The following CACNA1C variants were observed in gnomAD, a reference collection of about 807,000 sequenced individuals.
CACNA1C encodes the protein calcium voltage-gated channel subunit alpha1 C.
In CACNA1C, 30 loss-of-function variants were observed where a neutral mutation model predicts 229.0. The ratio of observed to expected loss-of-function variants is 0.13; its 90% CI spans 0.10 to 0.18. The LOEUF is 0.18. Among genes scored for constraint, CACNA1C ranks in the 10% least tolerant of loss-of-function variants. The probability of loss-of-function intolerance (pLI) is 1.00; values close to 1 mark genes in which losing one functional copy is unlikely to be tolerated. For missense variants in CACNA1C, 1,658 were observed against 2,845.0 expected (o/e 0.58, Z 9.49); for synonymous variants, 1,114 against 1,132.5 (o/e 0.98, Z 0.33).
At chr12:2,322,892 G>A (rs944313077) in intron 3 of CACNA1C, among the ~76,000 whole-genome samples, 2 of 152,200 alleles carry the variant, frequency 1.3e-5, no homozygotes, top group Non-Finnish European at 2.9e-5. Flanking sequence ...CTCCACAAAC[G>A]TGAGTGGTTG....
chr12:2,320,318 C>T (rs2154494380), intron 3 of CACNA1C, among the ~76,000 whole-genome samples: 1 of 152,324 alleles, frequency 6.6e-6, no homozygotes, highest in East Asian at 1.9e-4. Context: ...TGCCTCTTGG[C>T]CTTGCTTTTG....
intron 3 of CACNA1C, among the ~76,000 whole-genome samples, chr12:2,383,028 A>C (rs2098288363): frequency 1.3e-5 from 2 of 152,190 alleles, no homozygotes. Flanking sequence ...ACTCTAGATC[A>C]GCTGGAACTA....
At chr12:2,363,842 G>C (rs897855236) in intron 3 of CACNA1C, among the ~76,000 whole-genome samples, 2 of 152,208 alleles carry the variant, frequency 1.3e-5, no homozygotes, top group African/African-American at 2.4e-5. Context: ...GGACCTGTCA[G>C]TGAAGCACAG....
At chr12:2,596,519 G>A (rs1467805874) in intron 20 of CACNA1C, among the ~76,000 whole-genome samples, 1 of 152,196 alleles carries the variant, frequency 6.6e-6, no homozygotes, top group Admixed American at 6.5e-5. Context: ...TCAAAACTTT[G>A]TCAAGTCCCA....
intron 1 of CACNA1C, among the ~76,000 whole-genome samples, chr12:2,000,909 C>T (rs146813825): frequency 6.6e-6 from 1 of 151,976 alleles, no homozygotes. Context: ...TGGTGGCAGG[C>T]GCCTGTAATC....
chr12:2,303,012 C>T (rs1474079544), intron 3 of CACNA1C, among the ~76,000 whole-genome samples: 1 of 152,214 alleles, frequency 6.6e-6, no homozygotes, highest in African/African-American at 2.4e-5. Context: ...AGTGGGGAGC[C>T]CAAGAGCAGG....
At chr12:2,466,329 G>A (rs2238085) in intron 5 of CACNA1C, among the ~76,000 whole-genome samples, 5 of 152,166 alleles carry the variant, frequency 3.3e-5, no homozygotes, top group Admixed American at 1.3e-4. Flanking sequence ...AGTTGGTGCC[G>A]CATTGTGCAA....
chr12:2,474,342 C>G (rs557728031), intron 5 of CACNA1C, among the ~76,000 whole-genome samples: 2 of 152,272 alleles, frequency 1.3e-5, no homozygotes, highest in East Asian at 1.9e-4. Flanking sequence ...GAGAATGTCG[C>G]AAAGATTTTC....
At chr12:2,276,356 C>G (rs1478457247) in intron 3 of CACNA1C, among the ~76,000 whole-genome samples, 1 of 152,188 alleles carries the variant, frequency 6.6e-6, no homozygotes, top group East Asian at 1.9e-4. Context: ...GAATTTCTAC[C>G]TTTAGCATTA....
chr12:2,437,851 GAT>G (rs1567677068), intron 3 of CACNA1C, among the ~76,000 whole-genome samples: 9 of 150,922 alleles, frequency 6.0e-5, no homozygotes, highest in East Asian at 2.0e-4. Context: ...TGGTGGTGAT[GAT>G]GGTGGTGATG....
intron 3 of CACNA1C, among the ~76,000 whole-genome samples, chr12:2,191,306 G>C (rs2154297517): frequency 6.6e-6 from 1 of 152,236 alleles, no homozygotes; most frequent in African/African-American, 2.4e-5. Flanking sequence ...CACCAGCAGC[G>C]TGGCTCTGGG....
At chr12:2,306,401 CAG>C (rs1409166845) in intron 3 of CACNA1C, among the ~76,000 whole-genome samples, 2 of 152,192 alleles carry the variant, frequency 1.3e-5, no homozygotes, top group Non-Finnish European at 2.9e-5. Context: ...TGAGATCTCT[CAG>C]AGACAGCAGA....
rs147439715 is a variant in CACNA1C at position 2,617,220 on chromosome 12, G to A, written c.3828+5207G>A. Among the ~76,000 whole-genome samples, 535 of 152,320 alleles carry A rather than the reference G, an allele frequency of 3.5e-3. 1 individual carries two copies. Among genetic ancestry groups the A allele is most frequent in the Middle Eastern group, 0.031 (9 of 294 alleles). On this transcript the variant is annotated intron_variant, in intron 29 of 46. Transcript: ENST00000399655. Reference sequence around the variant, plus strand: ...TTATCGAGAGTGAGGGATGAGTCAGGACTAGTCGGTAGCCTGGTGAATGAG... The same window carrying A: ...TTATCGAGAGTGAGGGATGAGTCAGAACTAGTCGGTAGCCTGGTGAATGAG...
At chr12:2,652,647 A>G (rs945371340) in intron 32 of CACNA1C, among the ~76,000 whole-genome samples, 2 of 152,158 alleles carry the variant, frequency 1.3e-5, no homozygotes. Context: ...GTGAGGAAAG[A>G]TGCCCGTCCC....
intron 1 of CACNA1C, among the ~76,000 whole-genome samples, chr12:2,003,862 C>T (rs1565893628): frequency 1.3e-5 from 2 of 152,154 alleles, no homozygotes; most frequent in Non-Finnish European, 2.9e-5. Context: ...ACTGACATTC[C>T]AAAATCAGAA....
rs1384603773 is a variant in CACNA1C at position 2,055,535 on chromosome 12, C to CCCTTTG, written c.49+1928_49+1933dup. ...CCTTACTCTGGTTGTTTTCTTTGGC[C>CCCTTTG]CCTTTGCCTCTCAGCATCTCCCTGC... On this transcript the variant is annotated intron_variant, in intron 1 of 46. Transcript: ENST00000399655. 7.2e-5 allele frequency among the ~76,000 whole-genome samples: 11 copies of CCCTTTG among 152,246 alleles called. No homozygotes were observed. The South Asian group carries it at 8.3e-4, about 12-fold the overall frequency.
At chr12:2,431,424 T>C (rs1273456879) in intron 3 of CACNA1C, among the ~76,000 whole-genome samples, 1 of 152,132 alleles carries the variant, frequency 6.6e-6, no homozygotes, top group African/African-American at 2.4e-5. Context: ...ATTCCTGGCT[T>C]CCAAGATGAT....
At chr12:2,311,106 G>A (rs1182212751) in intron 3 of CACNA1C, among the ~76,000 whole-genome samples, 2 of 152,184 alleles carry the variant, frequency 1.3e-5, no homozygotes, top group African/African-American at 4.8e-5. Context: ...CCCTTCCTCT[G>A]GAGCCAGCTT....
At position 2,634,288 on chromosome 12, in the gene CACNA1C, C is replaced by A; in HGVS notation, c.3829-9C>A. 1 of 1,524,222 alleles carries A rather than the reference C, an allele frequency of 6.6e-7. No individual in the cohort carries two copies. Among genetic ancestry groups the A allele is most frequent in the Middle Eastern group, 1.7e-4 (1 of 5,946 alleles). 94.4% of individuals were successfully genotyped at this position (1,524,222 alleles called of 1,614,324 possible). ...TTCTCTCTCTCCCCGGCTGCTCTGC[C>A]CCATGCAGCACTATTTCTGTGATGC... is the stretch of plus-strand genomic sequence containing the variant. On this transcript the variant is annotated splice_polypyrimidine_tract_variant and intron_variant, in intron 29 of 46. Transcript: ENST00000399655.
Sources: allele counts gnomAD v4.1 joint callset (sites outside exome capture counted in the v4.1 genomes callset), GRCh38; gene constraint gnomAD v4.1.1; transcripts MANE v1.5; gene names NCBI Gene and HGNC (gene_info 2026-07-23, HGNC 2026-07-21).